Variants in HIBCH observed in about 807,000 individuals in gnomAD.
The protein encoded by HIBCH is 3-hydroxyisobutyryl-CoA hydrolase.
Under a neutral mutation model 58.2 loss-of-function variants are expected in HIBCH, and 50 were observed. The observed-to-expected ratio is 0.86, with a 90% CI of 0.68 to 1.09. The LOEUF (loss-of-function observed/expected upper bound fraction) is 1.09, where lower values mean the gene tolerates loss of function less well. Ranked by LOEUF, HIBCH falls within the 50% of genes least tolerant of loss-of-function variation. HIBCH has a pLI of 0.00. For missense variants in HIBCH, 450 were observed against 449.7 expected (o/e 1.00, Z -0.01); for synonymous variants, 151 against 146.9 (o/e 1.03, Z -0.20).
chr2:190,275,561 C>A (rs2664244), intron 6 of HIBCH, among the ~76,000 whole-genome samples: 1 of 152,180 alleles, frequency 6.6e-6, no homozygotes, highest in East Asian at 1.9e-4. Context: ...ATATGAATTA[C>A]GCTAAAATTG....
chr2:190,307,472 G>A (rs1241704315), intron 2 of HIBCH, among the ~76,000 whole-genome samples: 1 of 152,094 alleles, frequency 6.6e-6, no homozygotes, highest in Non-Finnish European at 1.5e-5. Context: ...AGAGGTTCGA[G>A]GCCAGTCTGG....
intron 11 of HIBCH, among the ~76,000 whole-genome samples, chr2:190,235,112 A>G (rs1482759225): frequency 2.0e-5 from 3 of 152,294 alleles, no homozygotes; most frequent in South Asian, 2.1e-4. Context: ...GGCCAGGGGA[A>G]GAAGAAGAGG....
chr2:190,208,361 A>G (rs1214632896), intron 13 of HIBCH, among the ~76,000 whole-genome samples: 1 of 152,240 alleles, frequency 6.6e-6, no homozygotes, highest in Non-Finnish European at 1.5e-5. Flanking sequence ...CAAAGGCCAC[A>G]GCAGCAGGAT....
chr2:190,305,618 T>C (rs1001038954), intron 2 of HIBCH, among the ~76,000 whole-genome samples: 13 of 152,144 alleles, frequency 8.5e-5, no homozygotes, highest in Non-Finnish European at 1.5e-4. Context: ...CTCCAACATA[T>C]GAATTTTGGG....
chr2:190,255,230 T>C (rs1423587364), intron 7 of HIBCH, among the ~76,000 whole-genome samples: 3 of 152,326 alleles, frequency 2.0e-5, no homozygotes, highest in Non-Finnish European at 4.4e-5. Context: ...ATGTACCCTT[T>C]TGAGAGCATG....
intron 11 of HIBCH, among the ~76,000 whole-genome samples, chr2:190,237,689 C>T (rs545897871): frequency 2.6e-4 from 40 of 151,958 alleles, no homozygotes; most frequent in South Asian, 1.2e-3. Context: ...TTTATATATA[C>T]GTGTGCAGAA....
chr2:190,263,058 T>C (rs1037922984), intron 6 of HIBCH, among the ~76,000 whole-genome samples: 3 of 152,192 alleles, frequency 2.0e-5, no homozygotes, highest in South Asian at 2.1e-4. Flanking sequence ...CATCAAAGAA[T>C]CTATTATAGG....
chr2:190,257,776 G>A (rs916741065), intron 7 of HIBCH, among the ~76,000 whole-genome samples: 2 of 152,118 alleles, frequency 1.3e-5, no homozygotes, highest in Non-Finnish European at 2.9e-5. Context: ...GGTGAGACAG[G>A]ACAAGAGAGC....
intron 6 of HIBCH, among the ~76,000 whole-genome samples, chr2:190,263,087 C>CT (rs2105954352): frequency 6.7e-6 from 1 of 149,022 alleles, no homozygotes; most frequent in East Asian, 2.0e-4. Flanking sequence ...AAGCAGCCCT[C>CT]TTAACTTCTG....
intron 6 of HIBCH, among the ~76,000 whole-genome samples, chr2:190,278,382 T>C (rs1199061333): frequency 6.6e-6 from 1 of 152,150 alleles, no homozygotes; most frequent in Non-Finnish European, 1.5e-5. Context: ...TTTTGTATTT[T>C]TAGTAGAGAG....
chr2:190,283,165 C>A (rs183317675), intron 6 of HIBCH, among the ~76,000 whole-genome samples: 1 of 152,282 alleles, frequency 6.6e-6, no homozygotes, highest in Non-Finnish European at 1.5e-5. Context: ...TTCTAAATTT[C>A]TCTTCAAAGA....
chr2:190,240,426 C>T (rs1252443021), intron 11 of HIBCH, among the ~76,000 whole-genome samples: 1 of 151,992 alleles, frequency 6.6e-6, no homozygotes, highest in South Asian at 2.1e-4. Flanking sequence ...ATTTTGTTAA[C>T]CTTTTCAAAA....
Position 190,269,928 on chromosome 2 carries a change from C to G in HIBCH, c.439-8694G>C, listed in dbSNP as rs144619042. 5.8e-3 allele frequency among the ~76,000 whole-genome samples: 887 copies of G among 152,140 alleles called. 11 individuals are homozygous for G. Among genetic ancestry groups the G allele is most frequent in the African/African-American group, 0.021 (853 of 41,494 alleles). On this transcript the variant is annotated intron_variant, in intron 6 of 13. Transcript: ENST00000359678. The stretch of plus-strand genomic sequence containing the variant: ...AATGAGTTCATGTCCTTTGCAGGGA[C>G]ATGGATGAAGCTGGAAGCCATCATT...
At position 190,204,551 on chromosome 2, in the gene HIBCH, A is replaced by C. The variant is rs940193749; in HGVS notation, c.*566T>G. On this transcript the variant is annotated 3_prime_UTR_variant, in exon 14 of 14. Transcript: ENST00000359678. ...CTGCTACAGTAACTCAGTTACTTTA[A>C]AACACACTCATATATGGAGAAAATT... 18 of 152,912 alleles carry C rather than the reference A, an allele frequency of 1.2e-4. No homozygotes were observed. Among genetic ancestry groups the C allele is most frequent in the African/African-American group, 4.1e-4 (17 of 41,586 alleles). 9.5% of individuals were successfully genotyped at this position (152,912 alleles called of 1,614,324 possible).
intron 7 of HIBCH, among the ~76,000 whole-genome samples, chr2:190,257,726 G>C (rs1313775939): frequency 6.6e-6 from 1 of 152,086 alleles, no homozygotes; most frequent in Non-Finnish European, 1.5e-5. Context: ...AACATCACAC[G>C]AGGGCCTTCT....
downstream of HIBCH, chr2:190,199,902 C>A (rs568111139): frequency 7.1e-5 from 114 of 1,613,990 alleles, no homozygotes; most frequent in East Asian, 2.3e-3. Context: ...CATTTCCTAC[C>A]ATATATGAAG....
chr2:190,200,019 G>A, downstream of HIBCH: 2 of 1,614,040 alleles, frequency 1.2e-6, no homozygotes, highest in Non-Finnish European at 1.7e-6. Context: ...AACCTCCAGG[G>A]ACCAATACTG....
chr2:190,224,195 C>T (rs556041223), intron 11 of HIBCH, among the ~76,000 whole-genome samples: 14 of 152,290 alleles, frequency 9.2e-5, no homozygotes, highest in East Asian at 7.7e-4. Context: ...AAGGAGGCAG[C>T]GAGGCTGGGG....
chr2:190,282,187 G>T (rs1442736555), intron 6 of HIBCH, among the ~76,000 whole-genome samples: 1 of 152,040 alleles, frequency 6.6e-6, no homozygotes, highest in Non-Finnish European at 1.5e-5. Flanking sequence ...ACAATTTCAG[G>T]TATTTGTTAT....
Sources: allele counts gnomAD v4.1 joint callset (sites outside exome capture counted in the v4.1 genomes callset), GRCh38; gene constraint gnomAD v4.1.1; transcripts MANE v1.5; gene names NCBI Gene and HGNC (gene_info 2026-07-23, HGNC 2026-07-21).